Variants in C4orf50 observed in about 807,000 individuals in gnomAD.
C4orf50 encodes the protein chromosome 4 open reading frame 50.
C4orf50 carries 80 observed loss-of-function variants against 77.2 expected under a neutral mutation model. The observed-to-expected ratio is 1.04, with a 90% CI of 0.87 to 1.25. C4orf50 has a LOEUF of 1.25. C4orf50 is among the 50% of genes most tolerant of loss of function. C4orf50 has a pLI of 0.00. For synonymous variants in C4orf50, 532 were observed against 465.3 expected (o/e 1.14, Z -1.84); for missense variants, 1,257 against 1,152.9 (o/e 1.09, Z -1.31).
intron 25 of C4orf50, among the ~76,000 whole-genome samples, chr4:6,004,724 G>GGTGATGATA (rs1722172801): frequency 6.7e-6 from 1 of 150,220 alleles, no homozygotes. Flanking sequence ...ATGATGTGAT[G>GGTGATGATA]GTGATGATAG....
At chr4:5,902,682 C>T (rs968782479) in intron 7 of C4orf50, 2 of 152,212 alleles carry the variant, frequency 1.3e-5, no homozygotes, top group Non-Finnish European at 2.9e-5. Context: ...TCCCCAGACG[C>T]TAGGTTGCCT....
chr4:5,913,467 C>T (rs1028975151), intron 7 of C4orf50, among the ~76,000 whole-genome samples: 1 of 152,130 alleles, frequency 6.6e-6, no homozygotes, highest in African/African-American at 2.4e-5. Flanking sequence ...AACAGATGAG[C>T]CTGTTCAATT....
At chr4:5,987,208 C>T (rs1720912536) in intron 28 of C4orf50, among the ~76,000 whole-genome samples, 1 of 151,642 alleles carries the variant, frequency 6.6e-6, no homozygotes, top group Admixed American at 6.6e-5. Context: ...CTCAGGAGTT[C>T]GAGACCAGCC....
At chr4:5,904,951 T>C (rs1716487547) in intron 7 of C4orf50, 1 of 152,098 alleles carries the variant, frequency 6.6e-6, no homozygotes, top group Admixed American at 6.5e-5. Context: ...GTCAGTGAAA[T>C]ACCTAAGTCG....
intron 7 of C4orf50, among the ~76,000 whole-genome samples, chr4:5,938,345 G>T (rs1356086943): frequency 6.6e-6 from 1 of 152,174 alleles, no homozygotes; most frequent in Non-Finnish European, 1.5e-5. Flanking sequence ...ACCATAACAG[G>T]AATTAGGAGA....
At chr4:6,004,881 C>A (rs1722186739) in intron 25 of C4orf50, among the ~76,000 whole-genome samples, 1 of 144,056 alleles carries the variant, frequency 6.9e-6, no homozygotes, top group South Asian at 2.2e-4. Context: ...GTGAAAGAAG[C>A]TAGATTTGAC....
intron 23 of C4orf50, among the ~76,000 whole-genome samples, chr4:6,014,885 C>T (rs1293181495): frequency 2.0e-5 from 3 of 152,196 alleles, no homozygotes; most frequent in Admixed American, 2.0e-4. Flanking sequence ...CCCACATCCC[C>T]CCACAGGCCC....
At chr4:5,923,441 G>A (rs1008015500) in intron 7 of C4orf50, 1 of 153,570 alleles carries the variant, frequency 6.5e-6, no homozygotes, top group African/African-American at 2.4e-5. Context: ...ATAGACTCAG[G>A]GAGGAGGCTT....
chr4:5,978,135 T>A, intron 29 of C4orf50, among the ~76,000 whole-genome samples: 1 of 152,166 alleles, frequency 6.6e-6, no homozygotes, highest in East Asian at 1.9e-4. Context: ...TCCCACTAAC[T>A]AGGATGTCTA....
At chr4:5,984,138 G>A (rs1720740955) in intron 28 of C4orf50, among the ~76,000 whole-genome samples, 1 of 152,172 alleles carries the variant, frequency 6.6e-6, no homozygotes, top group South Asian at 2.1e-4. Context: ...TAGGTCTGAG[G>A]GCAAAACTTA....
intron 7 of C4orf50, among the ~76,000 whole-genome samples, chr4:5,912,183 G>A (rs1337156005): frequency 2.6e-5 from 4 of 152,168 alleles, no homozygotes; most frequent in Non-Finnish European, 5.9e-5. Context: ...CTGCTGATAT[G>A]TTGGTAAGAG....
chr4:6,005,826 A>G (rs1273599980), intron 25 of C4orf50, among the ~76,000 whole-genome samples: 1 of 151,792 alleles, frequency 6.6e-6, no homozygotes, highest in Non-Finnish European at 1.5e-5. Context: ...GACTGTACAC[A>G]GCAGCCTGCA....
chr4:6,016,666 T>C (rs1442983070), intron 23 of C4orf50, among the ~76,000 whole-genome samples: 3 of 152,108 alleles, frequency 2.0e-5, no homozygotes, highest in Non-Finnish European at 4.4e-5. Context: ...TGCTTTGTCA[T>C]GGCAACCCAG....
intron 7 of C4orf50, among the ~76,000 whole-genome samples, chr4:5,940,089 A>T (rs544492042): frequency 1.6e-4 from 24 of 152,330 alleles, no homozygotes; most frequent in African/African-American, 5.3e-4. Flanking sequence ...CTCCTCCCAT[A>T]GCTAATTAAA....
Position 6,008,288 on chromosome 4 carries a change from T to C in C4orf50, c.671A>G (p.Asp224Gly), listed in dbSNP as rs1722335726. ...GCCCTGGGAGCCTGGGGCCGCGGTG[T>C]CCCACTGGGCCAGCAGGAGGCCCGC... The change falls in exon 25 of 34, where the codon GAC (aspartate) becomes GGC (glycine). Residue 224 changes from aspartate to glycine, a missense_variant. By Grantham distance (94) the Asp-to-Gly change is moderately conservative. Transcript: ENST00000531445. The surrounding 1 kb of genome is among the most constrained non-coding windows in gnomAD (Gnocchi z 6.0). 1 of 390,960 alleles carries C rather than the reference T, an allele frequency of 2.6e-6. No homozygotes were observed. The highest frequency in any genetic ancestry group is 4.5e-6 in the Non-Finnish European group (1 of 221,204). The allele number at this position is 390,960 out of a possible 1,614,324, so 24.2% of individuals were successfully genotyped here.
At position 5,908,129 on chromosome 4, in the gene C4orf50, TG is replaced by T. The variant is rs1349643371; in HGVS notation, c.*2475-9942del. ...AGTACCTACTATATGCCAGGCACTG[TG>T]TTCAAGGCTATGGAGAATGTTGAGA... On this transcript the variant is annotated intron_variant, in intron 7 of 7. Coordinates refer to the C4orf50 transcript ENST00000324058. The surrounding 1 kb of genome is among the most constrained non-coding windows in gnomAD (Gnocchi z 5.6). Among the ~76,000 whole-genome samples, 1 of 152,208 alleles carries T rather than the reference TG, an allele frequency of 6.6e-6. No individual in the cohort carries two copies. Among genetic ancestry groups the T allele is most frequent in the Non-Finnish European group, 1.5e-5 (1 of 68,044 alleles).
At chr4:5,934,894 C>T (rs1320337430) in intron 7 of C4orf50, among the ~76,000 whole-genome samples, 1 of 152,176 alleles carries the variant, frequency 6.6e-6, no homozygotes, top group Admixed American at 6.5e-5. Flanking sequence ...ACACGTGACC[C>T]TAAACTGCCT....
chr4:5,968,137 T>C (rs1294717398), intron 31 of C4orf50, among the ~76,000 whole-genome samples: 1 of 152,244 alleles, frequency 6.6e-6, no homozygotes, highest in Non-Finnish European at 1.5e-5. Flanking sequence ...ATCCTGGTCA[T>C]GCTCTTCCTC....
intron 7 of C4orf50, among the ~76,000 whole-genome samples, chr4:5,942,850 G>T (rs115682160): frequency 6.6e-6 from 1 of 152,038 alleles, no homozygotes; most frequent in East Asian, 1.9e-4. Flanking sequence ...GTATGATCTC[G>T]TTTTTCAAAA....
Sources: gnomAD v4.1 joint callset for allele counts (sites outside exome capture counted in the v4.1 genomes callset) on GRCh38, gnomAD v4.1.1 for gene constraint, Gnocchi (gnomAD v3.1) non-coding constraint, MANE v1.5 for transcripts, NCBI Gene and HGNC (gene_info 2026-07-23, HGNC 2026-07-21) for gene names.